TNRC6C: variants seen among roughly 807,000 people sequenced by gnomAD.
TNRC6C encodes the protein trinucleotide repeat-containing gene 6C protein.
In TNRC6C, 20 loss-of-function variants were observed where a neutral mutation model predicts 153.7. The observed-to-expected ratio is 0.13, with a 90% confidence interval of 0.09 to 0.19. The LOEUF (loss-of-function observed/expected upper bound fraction) is 0.19. TNRC6C is among the 10% of genes least tolerant of loss of function. The pLI is 1.00. For missense variants in TNRC6C, 1,987 were observed against 2,172.0 expected, an observed-to-expected ratio of 0.91 and a Z score of 1.69; for synonymous variants, 811 against 841.4, an observed-to-expected ratio of 0.96 and a Z score of 0.63.
At position 78,081,279 on chromosome 17, in the gene TNRC6C, G is replaced by A. The variant is rs535444621; in HGVS notation, c.3357+1738G>A. Among the ~76,000 whole-genome samples, 35 of 152,020 alleles carry A rather than the reference G, an allele frequency of 2.3e-4. No individual in the cohort carries two copies. The South Asian group carries it at 6.7e-3, about 29-fold the overall frequency. On this transcript the variant is annotated intron_variant, in intron 10 of 19. Transcript: ENST00000301624. ...GGGTTTCAACATAGGAATTCTCGGG[G>A]GACGCAGACATTCAGACCATAGCAT...
At chr17:78,018,023 T>C (rs777312151) in intron 1 of TNRC6C, among the ~76,000 whole-genome samples, 1 of 152,222 alleles carries the variant, frequency 6.6e-6, no homozygotes, top group Non-Finnish European at 1.5e-5. Flanking sequence ...ATTTTCTATT[T>C]GTGAAATCAT....
chr17:77,991,712 A>T (rs529958074), intron 1 of TNRC6C, among the ~76,000 whole-genome samples: 3 of 152,230 alleles, frequency 2.0e-5, no homozygotes, highest in Non-Finnish European at 4.4e-5. Flanking sequence ...ACTGATATAT[A>T]TATAAGAAAT....
intron 1 of TNRC6C, among the ~76,000 whole-genome samples, chr17:77,994,632 TTA>T (rs768025540): frequency 6.6e-6 from 1 of 152,188 alleles, no homozygotes; most frequent in Non-Finnish European, 1.5e-5. Context: ...AGACCAACGC[TTA>T]TATGGTGCTG....
chr17:78,099,282 TG>T (rs2073545147), intron 17 of TNRC6C, among the ~76,000 whole-genome samples: 5 of 152,210 alleles, frequency 3.3e-5, no homozygotes, highest in Admixed American at 2.0e-4. Flanking sequence ...CACTCCAGCC[TG>T]GGTGTAATAA....
exon 20 of TNRC6C, chr17:78,105,671 C>T (rs2073681448): frequency 1.3e-5 from 2 of 152,164 alleles, no homozygotes; most frequent in African/African-American, 4.8e-5. Context: ...CGTGCTCCTG[C>T]ACGGCGTGCA....
At chr17:77,987,306 A>G (rs1171484301) in intron 1 of TNRC6C, among the ~76,000 whole-genome samples, 2 of 152,248 alleles carry the variant, frequency 1.3e-5, no homozygotes, top group Admixed American at 6.5e-5. Flanking sequence ...ATACTTTATC[A>G]GATTAGCAAG....
upstream of TNRC6C, chr17:78,004,183 G>A: frequency 1.6e-6 from 2 of 1,231,494 alleles, no homozygotes; most frequent in Non-Finnish European, 2.0e-6. Context: ...GAAAGAGCAA[G>A]AAACACAAGA....
At chr17:78,078,398 T>A (rs1027486810) in intron 9 of TNRC6C, among the ~76,000 whole-genome samples, 4 of 152,234 alleles carry the variant, frequency 2.6e-5, no homozygotes, top group African/African-American at 9.6e-5. Flanking sequence ...AATATCTTTA[T>A]CATAGTTAAC....
intron 5 of TNRC6C, among the ~76,000 whole-genome samples, chr17:78,070,610 G>A (rs1200014203): frequency 6.6e-6 from 1 of 151,530 alleles, no homozygotes; most frequent in Non-Finnish European, 1.5e-5. Flanking sequence ...GTAACAAATA[G>A]TTAATAAAAT....
At chr17:77,959,702 G>A (rs887369748) in intron 1 of TNRC6C, among the ~76,000 whole-genome samples, 1 of 152,144 alleles carries the variant, frequency 6.6e-6, no homozygotes, top group Non-Finnish European at 1.5e-5. Flanking sequence ...CGTGCTGCGG[G>A]TGGGCGGAGA....
intron 1 of TNRC6C, among the ~76,000 whole-genome samples, chr17:77,979,446 A>T (rs978737128): frequency 2.0e-5 from 3 of 152,332 alleles, no homozygotes; most frequent in African/African-American, 7.2e-5. Flanking sequence ...ATTAGGAATT[A>T]AACAGGAGGG....
upstream of TNRC6C, among the ~76,000 whole-genome samples, chr17:78,000,865 A>G (rs1317831596): frequency 6.6e-6 from 1 of 152,196 alleles, no homozygotes; most frequent in East Asian, 1.9e-4. Context: ...GTAATTTGTA[A>G]CATTTTTCAT....
chr17:78,019,596 A>G (rs995873994), intron 1 of TNRC6C, among the ~76,000 whole-genome samples: 15 of 152,248 alleles, frequency 9.9e-5, no homozygotes, highest in African/African-American at 3.6e-4. Flanking sequence ...AACAAAAGGC[A>G]AAAGCTTACT....
chr17:78,088,694 G>A (rs966083692), intron 13 of TNRC6C, among the ~76,000 whole-genome samples: 4 of 150,862 alleles, frequency 2.7e-5, no homozygotes, highest in Non-Finnish European at 4.4e-5. Context: ...CAAACTCCTG[G>A]CCTTAAGTGA....
At chr17:77,991,865 G>A (rs944279891) in intron 1 of TNRC6C, among the ~76,000 whole-genome samples, 1 of 152,192 alleles carries the variant, frequency 6.6e-6, no homozygotes. Context: ...TATGGATGCA[G>A]CGTATGCTTG....
At chr17:77,958,948 ACCGCCGCCG>A (rs1243135036), upstream of TNRC6C, among the ~76,000 whole-genome samples, 2 of 140,940 alleles carry the variant, frequency 1.4e-5, no homozygotes, top group African/African-American at 2.6e-5. Flanking sequence ...CGCAGCTGCC[ACCGCCGCCG>A]CCGCCGCCGC....
intron 1 of TNRC6C, among the ~76,000 whole-genome samples, chr17:77,984,613 G>T (rs2071132832): frequency 6.6e-6 from 1 of 152,218 alleles, no homozygotes; most frequent in African/African-American, 2.4e-5. Context: ...AGCCCTGGCA[G>T]TGCTCACCTC....
At chr17:77,985,728 T>C (rs1389610763) in intron 1 of TNRC6C, among the ~76,000 whole-genome samples, 1 of 152,194 alleles carries the variant, frequency 6.6e-6, no homozygotes, top group Non-Finnish European at 1.5e-5. Context: ...GGATAGTCTC[T>C]CTGTCTTAAG....
chr17:77,980,637 C>T (rs1054363400), intron 1 of TNRC6C, among the ~76,000 whole-genome samples: 18 of 152,308 alleles, frequency 1.2e-4, no homozygotes, highest in African/African-American at 3.4e-4. Flanking sequence ...AGGTTGAAGA[C>T]TCAGTCTCCA....
Sources: allele counts gnomAD v4.1 joint callset (sites outside exome capture counted in the v4.1 genomes callset), GRCh38; gene constraint gnomAD v4.1.1; transcripts MANE v1.5; gene names NCBI Gene and HGNC (gene_info 2026-07-23, HGNC 2026-07-21).